DPYD: variants seen among roughly 807,000 people sequenced by gnomAD.
The protein encoded by DPYD is dihydropyrimidine dehydrogenase [NADP(+)].
A neutral mutation model predicts 116.2 loss-of-function variants in DPYD; 109 were observed. The ratio of observed to expected loss-of-function variants is 0.94; its 90% CI spans 0.80 to 1.10. The LOEUF (loss-of-function observed/expected upper bound fraction) is 1.10. Ranked by LOEUF, DPYD falls within the 50% of genes least tolerant of loss-of-function variation. The pLI, the probability that DPYD is intolerant of heterozygous loss-of-function variation, is 0.00. For synonymous variants in DPYD, 440 were observed against 432.0 expected (o/e 1.02, Z -0.23); for missense variants, 1,302 against 1,254.5 (o/e 1.04, Z -0.57).
At chr1:97,605,265 C>A (rs1044272906) in intron 8 of DPYD, among the ~76,000 whole-genome samples, 1 of 151,952 alleles carries the variant, frequency 6.6e-6, no homozygotes, top group East Asian at 1.9e-4. Context: ...TGACTGTATC[C>A]CCACCCAAAT....
At chr1:97,239,100 C>T (rs1457643703) in intron 18 of DPYD, among the ~76,000 whole-genome samples, 1 of 152,090 alleles carries the variant, frequency 6.6e-6, no homozygotes, top group African/African-American at 2.4e-5. Flanking sequence ...AACTTTTGGT[C>T]AATAATCATT....
intron 16 of DPYD, among the ~76,000 whole-genome samples, chr1:97,317,181 G>C (rs74104362): frequency 8.8e-4 from 133 of 151,978 alleles, no homozygotes; most frequent in African/African-American, 3.2e-3. Context: ...TAAAATGCTA[G>C]TTTTATCTAC....
intron 1 of DPYD, among the ~76,000 whole-genome samples, 160 bp downstream of exon 1, chr1:97,920,724 C>G (rs1020611573): frequency 6.6e-6 from 1 of 152,210 alleles, no homozygotes; most frequent in African/African-American, 2.4e-5. Flanking sequence ...GGGCCTGTGG[C>G]TCCGCGCTCC....
intron 14 of DPYD, among the ~76,000 whole-genome samples, chr1:97,405,322 T>G (rs924496733): frequency 6.6e-6 from 1 of 152,220 alleles, no homozygotes; most frequent in East Asian, 1.9e-4. Context: ...CTGGCCTATA[T>G]AGTTTTCCTT....
chr1:97,165,940 GT>G (rs1484095925), intron 20 of DPYD, among the ~76,000 whole-genome samples: 1 of 151,930 alleles, frequency 6.6e-6, no homozygotes, highest in East Asian at 1.9e-4. Context: ...CACTGGCCAA[GT>G]TGCAGAGAAA....
At chr1:97,646,401 C>T (rs1156605070) in intron 8 of DPYD, among the ~76,000 whole-genome samples, 1 of 151,672 alleles carries the variant, frequency 6.6e-6, no homozygotes, top group Non-Finnish European at 1.5e-5. Context: ...ATGCTCCTCC[C>T]ATTGTGTCTT....
chr1:97,495,513 G>T (rs1188022539), intron 13 of DPYD, among the ~76,000 whole-genome samples: 4 of 151,938 alleles, frequency 2.6e-5, no homozygotes, highest in Non-Finnish European at 5.9e-5. Flanking sequence ...CATCAAAATG[G>T]TTTGTTATAT....
At chr1:97,213,987 A>G (rs1036532870) in intron 19 of DPYD, among the ~76,000 whole-genome samples, 1 of 152,142 alleles carries the variant, frequency 6.6e-6, no homozygotes, top group African/African-American at 2.4e-5. Context: ...TAATAGCTTT[A>G]GAAGATGTTT....
chr1:97,344,002 T>A (rs1000355984), intron 16 of DPYD, among the ~76,000 whole-genome samples: 1 of 151,892 alleles, frequency 6.6e-6, no homozygotes, highest in Non-Finnish European at 1.5e-5. Context: ...TCTTATTTTT[T>A]AAAAAATTAC....
intron 14 of DPYD, among the ~76,000 whole-genome samples, chr1:97,430,963 G>T (rs1391393304): frequency 6.6e-6 from 1 of 152,020 alleles, no homozygotes; most frequent in Admixed American, 6.6e-5. Context: ...TAGCAGAACA[G>T]GCTTAGCAGT....
intron 3 of DPYD, among the ~76,000 whole-genome samples, chr1:97,816,463 A>AT (rs1017571691): frequency 6.6e-6 from 1 of 152,028 alleles, no homozygotes; most frequent in African/African-American, 2.4e-5. Flanking sequence ...CACAATCAAT[A>AT]TTTTTTCAAT....
intron 18 of DPYD, among the ~76,000 whole-genome samples, chr1:97,259,214 C>T (rs1663710771): frequency 1.3e-5 from 2 of 151,926 alleles, no homozygotes; most frequent in South Asian, 4.2e-4. Context: ...TAAATAGGAT[C>T]CTAGAGCTCA....
intron 5 of DPYD, among the ~76,000 whole-genome samples, chr1:97,713,183 T>C (rs1662391717): frequency 6.6e-6 from 1 of 152,116 alleles, no homozygotes; most frequent in Admixed American, 6.6e-5. Context: ...TATTGCTTTA[T>C]ACTACCCTAT....
At chr1:97,134,015 ATATATATATATATAT>A (rs1557883310) in intron 20 of DPYD, among the ~76,000 whole-genome samples, 19 of 18,996 alleles carry the variant, frequency 1.0e-3, no homozygotes, top group Non-Finnish European at 1.1e-3. Flanking sequence ...AAAAAAAAAA[ATATATATATATATAT>A]ATATATATAT....
chr1:97,754,877 T>A (rs1188407606), intron 3 of DPYD, among the ~76,000 whole-genome samples: 1 of 152,238 alleles, frequency 6.6e-6, no homozygotes, highest in Non-Finnish European at 1.5e-5. Flanking sequence ...AAGCCTAGCA[T>A]CATGCTAAGG....
chr1:97,827,674 CTATAA>C (rs774179125), intron 3 of DPYD, among the ~76,000 whole-genome samples: 24 of 151,764 alleles, frequency 1.6e-4, no homozygotes, highest in East Asian at 3.9e-4. Context: ...ACTAAAAATA[CTATAA>C]TATAATATAA....
chr1:97,421,884 G>A (rs1390183708), intron 14 of DPYD, among the ~76,000 whole-genome samples: 1 of 152,168 alleles, frequency 6.6e-6, no homozygotes, highest in Non-Finnish European at 1.5e-5. Context: ...TCTGGCAGAG[G>A]TGAGTTTCTG....
chr1:97,267,070 G>A (rs1353147434), intron 18 of DPYD, among the ~76,000 whole-genome samples: 1 of 152,104 alleles, frequency 6.6e-6, no homozygotes, highest in African/African-American at 2.4e-5. Context: ...GGGTCAAATG[G>A]TATTTCTAGT....
Position 97,889,925 on chromosome 1 carries a change from T to C in DPYD, c.40-6551A>G, listed in dbSNP as rs567271669. ...GTTCTCCCTCTTCAATGGAATAGAA[T>C]TAGATATCAATAACAGAAAGAAATT... is the stretch of plus-strand genomic sequence containing the variant. On this transcript the variant is annotated intron_variant, in intron 1 of 22. Coordinates refer to ENST00000370192, the MANE Select transcript of DPYD (RefSeq NM_000110.4). 3.0e-4 allele frequency among the ~76,000 whole-genome samples: 45 copies of C among 151,682 alleles called. No individual in the cohort carries two copies. The South Asian group carries it at 9.1e-3, about 31-fold the overall frequency.
Sources: allele counts gnomAD v4.1 joint callset (sites outside exome capture counted in the v4.1 genomes callset), GRCh38; gene constraint gnomAD v4.1.1; transcripts MANE v1.5; gene names NCBI Gene and HGNC (gene_info 2026-07-23, HGNC 2026-07-21).